Variants in TRIM37 observed in about 807,000 individuals in gnomAD.
TRIM37 encodes E3 ubiquitin-protein ligase TRIM37.
TRIM37 carries 80 observed loss-of-function variants against 129.8 expected under a neutral mutation model. The ratio of observed to expected loss-of-function variants is 0.62; its 90% CI spans 0.51 to 0.74. TRIM37 has a LOEUF of 0.74. TRIM37 is among the 30% of genes least tolerant of loss of function. TRIM37 has a pLI of 0.00. For missense variants in TRIM37, 1,054 were observed against 1,176.5 expected, an observed-to-expected ratio of 0.90 and a Z score of 1.52; for synonymous variants, 389 against 387.1, an observed-to-expected ratio of 1.00 and a Z score of -0.06.
chr17:59,045,429 G>A (rs2039679242), intron 16 of TRIM37, among the ~76,000 whole-genome samples: 1 of 151,872 alleles, frequency 6.6e-6, no homozygotes, highest in African/African-American at 2.4e-5. Flanking sequence ...CACGAGGTCA[G>A]GTGTTTGAGA....
intron 17 of TRIM37, among the ~76,000 whole-genome samples, chr17:59,036,490 G>A (rs1040946999): frequency 4.7e-5 from 7 of 149,086 alleles, no homozygotes; most frequent in East Asian, 2.0e-4. Context: ...GTGTGCACGC[G>A]TGTGTTTTAA....
the TRIM37 span, among the ~76,000 whole-genome samples, chr17:58,970,837 T>C: frequency 6.6e-6 from 1 of 152,006 alleles, no homozygotes; most frequent in African/African-American, 2.4e-5. Flanking sequence ...GCTTTTATCA[T>C]CTGAGTCGAG....
At chr17:59,068,294 A>G (rs1035986382) in intron 9 of TRIM37, among the ~76,000 whole-genome samples, 1 of 152,208 alleles carries the variant, frequency 6.6e-6, no homozygotes, top group Non-Finnish European at 1.5e-5. Flanking sequence ...GTGCAGTATT[A>G]TTACTTAGAG....
intron 22 of TRIM37, among the ~76,000 whole-genome samples, chr17:59,004,055 GC>G (rs2034147019): frequency 6.6e-6 from 1 of 152,076 alleles, no homozygotes; most frequent in African/African-American, 2.4e-5. Flanking sequence ...CCTGCAGTGA[GC>G]TATGATTGTA....
downstream of TRIM37, chr17:58,981,984 T>C: frequency 6.6e-6 from 1 of 152,656 alleles, no homozygotes; most frequent in Admixed American, 6.5e-5. Context: ...TGTACTACTA[T>C]AAAATACAAA....
chr17:59,023,026 C>T (rs1157530631), intron 19 of TRIM37, among the ~76,000 whole-genome samples: 3 of 152,038 alleles, frequency 2.0e-5, no homozygotes, highest in Non-Finnish European at 2.9e-5. Flanking sequence ...CTATACTATA[C>T]TATAGAATCT....
At chr17:59,048,984 T>C (rs552924743) in intron 15 of TRIM37, among the ~76,000 whole-genome samples, 194 bp downstream of exon 15, 2 of 152,354 alleles carry the variant, frequency 1.3e-5, no homozygotes, top group Non-Finnish European at 2.9e-5. Flanking sequence ...ATTGTTTTTT[T>C]CACAACCTTG....
chr17:59,069,084 C>T (rs1446106959), intron 9 of TRIM37, among the ~76,000 whole-genome samples: 2 of 152,134 alleles, frequency 1.3e-5, no homozygotes. Context: ...TGGTGGCTCA[C>T]ACCTATAATC....
chr17:59,064,212 A>C, intron 10 of TRIM37, 143 bp downstream of exon 10: 1 of 684,960 alleles, frequency 1.5e-6, no homozygotes, highest in Non-Finnish European at 2.5e-6. Context: ...AATTATCTCT[A>C]CATTTCTAAT....
At chr17:59,043,315 A>C (rs2039450763) in intron 16 of TRIM37, among the ~76,000 whole-genome samples, 1 of 152,204 alleles carries the variant, frequency 6.6e-6, no homozygotes, top group South Asian at 2.1e-4. Context: ...TTTTAAAAAC[A>C]ACCACTTAAC....
intron 9 of TRIM37, among the ~76,000 whole-genome samples, chr17:59,065,294 C>A (rs1375877432): frequency 4.6e-5 from 7 of 152,174 alleles, no homozygotes; most frequent in Non-Finnish European, 7.3e-5. Context: ...AAACTTCCTA[C>A]TCTGGAATGG....
chr17:58,998,222 T>G lies in TRIM37; in HGVS notation c.*1155A>C. 1.0e-6 allele frequency: 1 copy of G among 985,430 alleles called. No individual in the cohort carries two copies. Among genetic ancestry groups the G allele is most frequent in the South Asian group, 4.7e-5 (1 of 21,290 alleles). 61.0% of individuals were successfully genotyped at this position (985,430 alleles called of 1,614,324 possible). ...GCATATTTTCTCAAGTTGATTTTATTAACAAAAAGTGCAAACTATTTTGAA... is the reference window on the plus strand; with the variant it reads ...GCATATTTTCTCAAGTTGATTTTATGAACAAAAAGTGCAAACTATTTTGAA... On this transcript the variant is annotated 3_prime_UTR_variant, in exon 24 of 24. Coordinates refer to ENST00000262294, the MANE Select transcript of TRIM37 (RefSeq NM_015294.6).
At chr17:59,044,002 A>G (rs2039515660) in intron 16 of TRIM37, among the ~76,000 whole-genome samples, 1 of 152,152 alleles carries the variant, frequency 6.6e-6, no homozygotes, top group African/African-American at 2.4e-5. Context: ...TGGATCAAAA[A>G]TATTTTTTAA....
intron 16 of TRIM37, among the ~76,000 whole-genome samples, chr17:59,045,689 G>C (rs1169978581): frequency 6.6e-6 from 1 of 151,738 alleles, no homozygotes; most frequent in East Asian, 1.9e-4. Context: ...TGACCAAGTG[G>C]GATGTGTCCC....
rs1599059332 is a variant in TRIM37 at position 59,037,584 on chromosome 17, A to T, written c.1753+4229T>A. ...AAAAAAAAAAAAAAAAAAAAAAAAA[A>T]AAAAAGGCTTTTTTAATTTTTTTAT... On this transcript the variant is annotated intron_variant, in intron 17 of 23. Transcript: ENST00000262294. Among the ~76,000 whole-genome samples, 4 of 135,678 alleles carry T rather than the reference A, an allele frequency of 2.9e-5. 1 individual carries two copies. The East Asian group carries it at 8.3e-4, about 28-fold the overall frequency. 89.0% of individuals were successfully genotyped at this position (135,678 alleles called of 152,430 possible).
Position 59,051,280 on chromosome 17 carries a change from A to G in TRIM37, c.1248T>C (p.His416=), listed in dbSNP as rs1278909585. 6.2e-7 allele frequency: 1 copy of G among 1,613,968 alleles called. No homozygotes were observed. The highest frequency in any genetic ancestry group is 1.7e-4 in the Middle Eastern group (1 of 6,060). The part of the protein sequence containing the change: ...PTFFQKSRDQ[H]WYITQLEAAQ... Reference sequence around the variant, plus strand: ...CAGCTTCCAACTGAGTAATGTACCAATGCTGGTCCCGGGATTTTTGAAAGA... The same window carrying G: ...CAGCTTCCAACTGAGTAATGTACCAGTGCTGGTCCCGGGATTTTTGAAAGA... Residue 416 remains histidine, a synonymous_variant, in exon 14 of 24, where the codon CAT becomes CAC. Coordinates refer to ENST00000262294, the MANE Select transcript of TRIM37 (RefSeq NM_015294.6).
In TRIM37 at chr17:59,048,855, C is replaced by T. The variant is rs573831035; in HGVS notation, c.1530+323G>A. 2.6e-5 allele frequency among the ~76,000 whole-genome samples: 4 copies of T among 152,354 alleles called. No homozygotes were observed. The South Asian group carries it at 8.3e-4, about 32-fold the overall frequency. Reference sequence around the variant, plus strand: ...CATGTGATCCACCCACCTTGGCCTCCCAAAGTGCTGGGATTACAGGTGTGA... The same window carrying T: ...CATGTGATCCACCCACCTTGGCCTCTCAAAGTGCTGGGATTACAGGTGTGA... On this transcript the variant is annotated intron_variant, in intron 15 of 23. Coordinates refer to ENST00000262294, the MANE Select transcript of TRIM37 (RefSeq NM_015294.6).
rs576675310 is a variant in TRIM37 at position 58,998,872 on chromosome 17, A to G, written c.*505T>C. On this transcript the variant is annotated 3_prime_UTR_variant, in exon 24 of 24. Coordinates refer to ENST00000262294, the MANE Select transcript of TRIM37 (RefSeq NM_015294.6). ...CTAGTGTTACTTCAGTTATTCACAT[A>G]GTGTCTACAGGGCAGAATCTCTTCC... 6.0e-6 allele frequency: 6 copies of G among 997,756 alleles called. No individual in the cohort carries two copies. In the East Asian group the frequency reaches 5.4e-4, roughly 90 times the overall value. The allele number at this position is 997,756 out of a possible 1,614,324, so 61.8% of individuals were successfully genotyped here.
chr17:59,075,794 A>C, intron 7 of TRIM37, 80 bp from the exon 8 acceptor site: 2 of 1,084,308 alleles, frequency 1.8e-6, no homozygotes, highest in Non-Finnish European at 1.4e-6. Flanking sequence ...GAACATATTT[A>C]ATAACAAGAA....
Sources: allele counts gnomAD v4.1 joint callset (sites outside exome capture counted in the v4.1 genomes callset), GRCh38; gene constraint gnomAD v4.1.1; transcripts MANE v1.5; gene names NCBI Gene and HGNC (gene_info 2026-07-23, HGNC 2026-07-21).